ROBO2: variants seen among roughly 807,000 people sequenced by gnomAD.
ROBO2 encodes roundabout homolog 2.
ROBO2 carries 53 observed loss-of-function variants against 160.8 expected under a neutral mutation model. The observed-to-expected ratio is 0.33, with a 90% CI of 0.26 to 0.41. The LOEUF (loss-of-function observed/expected upper bound fraction) is 0.41. ROBO2 is among the 10% of genes least tolerant of loss of function. The pLI, the probability that ROBO2 is intolerant of heterozygous loss-of-function variation, is 1.00. For missense variants in ROBO2, 1,577 were observed against 1,722.4 expected (o/e 0.92, Z 1.49); for synonymous variants, 664 against 611.7 (o/e 1.09, Z -1.26).
At chr3:76,147,358 ATAAT>A (rs2071950354) in intron 2 of ROBO2, among the ~76,000 whole-genome samples, 1 of 139,324 alleles carries the variant, frequency 7.2e-6, no homozygotes, top group Non-Finnish European at 1.6e-5. Context: ...ATAATTTTTA[ATAAT>A]TAAGGAATCA....
chr3:77,366,237 G>A (rs927492037), intron 2 of ROBO2, among the ~76,000 whole-genome samples: 1 of 152,060 alleles, frequency 6.6e-6, no homozygotes, highest in Admixed American at 6.6e-5. Context: ...TTCTGGTCAG[G>A]GTGCATCTTC....
At chr3:76,353,369 G>A (rs566901744) in intron 2 of ROBO2, among the ~76,000 whole-genome samples, 89 of 152,084 alleles carry the variant, frequency 5.9e-4, no homozygotes, top group African/African-American at 2.0e-3. Context: ...GGAGAAACTT[G>A]AGAGAATTCA....
intron 2 of ROBO2, among the ~76,000 whole-genome samples, chr3:77,370,262 T>G (rs2071540920): frequency 6.6e-6 from 1 of 152,170 alleles, no homozygotes; most frequent in African/African-American, 2.4e-5. Flanking sequence ...CCTTTGTATA[T>G]CAAAGGTAAT....
At chr3:76,166,390 C>T (rs2072838757) in intron 2 of ROBO2, among the ~76,000 whole-genome samples, 1 of 152,124 alleles carries the variant, frequency 6.6e-6, no homozygotes, top group African/African-American at 2.4e-5. Context: ...CCATGTTCAG[C>T]TCATGTTCAG....
At position 76,524,411 on chromosome 3, in the gene ROBO2, G is replaced by T. The variant is rs564742582; in HGVS notation, c.110-573603G>T. 1.1e-4 allele frequency among the ~76,000 whole-genome samples: 17 copies of T among 151,910 alleles called. No individual in the cohort carries two copies. In the South Asian group the frequency reaches 3.3e-3, roughly 30 times the overall value. On this transcript the variant is annotated intron_variant, in intron 2 of 26. Coordinates refer to the ROBO2 transcript ENST00000487694. ...GGCAGGTATTTGATATATGCCCTAT[G>T]GGTCACTTAAATCCAGATATACTGA...
intron 2 of ROBO2, among the ~76,000 whole-genome samples, chr3:76,146,975 TA>T (rs1181028606): frequency 5.5e-5 from 8 of 145,326 alleles, no homozygotes; most frequent in Non-Finnish European, 3.0e-5. Context: ...TTCTGGAGGG[TA>T]GAGATTGGGA....
chr3:76,708,627 A>G (rs930683778), intron 2 of ROBO2, among the ~76,000 whole-genome samples: 1 of 152,212 alleles, frequency 6.6e-6, no homozygotes, highest in Non-Finnish European at 1.5e-5. Flanking sequence ...AGCCTATCAT[A>G]GGTCATCAGA....
chr3:76,541,794 C>T (rs1291993018), intron 2 of ROBO2, among the ~76,000 whole-genome samples: 1 of 152,136 alleles, frequency 6.6e-6, no homozygotes, highest in African/African-American at 2.4e-5. Flanking sequence ...TTTTGATTTT[C>T]ATTTTGTCTG....
At chr3:77,375,400 A>G (rs1456910776) in intron 2 of ROBO2, among the ~76,000 whole-genome samples, 1 of 152,212 alleles carries the variant, frequency 6.6e-6, no homozygotes, top group Non-Finnish European at 1.5e-5. Context: ...TGTACCTTTT[A>G]AATTCTAAGA....
At chr3:77,300,775 G>C (rs1033907463) in intron 2 of ROBO2, among the ~76,000 whole-genome samples, 1 of 151,948 alleles carries the variant, frequency 6.6e-6, no homozygotes, top group Non-Finnish European at 1.5e-5. Context: ...CTTTACAGGA[G>C]ACATTTAGGG....
chr3:76,657,701 C>CAT (rs1183274973), intron 2 of ROBO2, among the ~76,000 whole-genome samples: 10 of 134,058 alleles, frequency 7.5e-5, no homozygotes, highest in African/African-American at 3.0e-4. Context: ...TATATATATT[C>CAT]ATATATGTGT....
intron 19 of ROBO2, 101 bp from the exon 21 acceptor site, chr3:77,602,109 C>CA (rs1471209683): frequency 2.5e-6 from 3 of 1,215,262 alleles, no homozygotes; most frequent in African/African-American, 1.5e-5. Context: ...AGCTGAAATG[C>CA]AAACGTGCAG....
intron 2 of ROBO2, among the ~76,000 whole-genome samples, chr3:76,898,801 T>C (rs1389218955): frequency 6.6e-6 from 1 of 152,160 alleles, no homozygotes; most frequent in Non-Finnish European, 1.5e-5. Context: ...TTCAAGGTCA[T>C]CTCAAGTTCT....
At chr3:76,965,785 GTATATATA>G (rs62885160) in intron 2 of ROBO2, among the ~76,000 whole-genome samples, 9 of 129,208 alleles carry the variant, frequency 7.0e-5, no homozygotes, top group South Asian at 2.4e-4. Context: ...TTGTGTTTGT[GTATATATA>G]TATATATATA....
chr3:77,507,813 G>A (rs1360490577), intron 5 of ROBO2, among the ~76,000 whole-genome samples: 1 of 151,904 alleles, frequency 6.6e-6, no homozygotes, highest in East Asian at 1.9e-4. Context: ...TAATATATTT[G>A]TATTTTTAAC....
chr3:75,950,742 T>A (rs1948505033), intron 2 of ROBO2, among the ~76,000 whole-genome samples: 1 of 152,044 alleles, frequency 6.6e-6, no homozygotes, highest in Non-Finnish European at 1.5e-5. Context: ...TCCAGTTTCC[T>A]CTCACTTCCC....
At chr3:77,624,265 A>T (rs2094959762) in intron 23 of ROBO2, among the ~76,000 whole-genome samples, 1 of 151,990 alleles carries the variant, frequency 6.6e-6, no homozygotes, top group South Asian at 2.1e-4. Flanking sequence ...CTTTGTGGAG[A>T]AGGTGTGATC....
chr3:76,809,347 T>G (rs151301381), intron 2 of ROBO2, among the ~76,000 whole-genome samples: 5 of 152,246 alleles, frequency 3.3e-5, no homozygotes, highest in Non-Finnish European at 7.4e-5. Context: ...GTCTCTGTTT[T>G]TAGAGGCTGC....
chr3:77,436,811 A>G (rs950179720), intron 2 of ROBO2, among the ~76,000 whole-genome samples: 6 of 151,934 alleles, frequency 3.9e-5, no homozygotes, highest in Admixed American at 1.3e-4. Context: ...AGTCTATTCA[A>G]ATAGGAATAA....
Sources: allele counts gnomAD v4.1 joint callset (sites outside exome capture counted in the v4.1 genomes callset), GRCh38; gene constraint gnomAD v4.1.1; transcripts MANE v1.5; gene names NCBI Gene and HGNC (gene_info 2026-07-23, HGNC 2026-07-21).